TRDMT1: variants seen among roughly 807,000 people sequenced by gnomAD.
The protein encoded by TRDMT1 is tRNA (cytosine(38)-C(5))-methyltransferase.
Under a neutral mutation model 51.2 loss-of-function variants are expected in TRDMT1, and 49 were observed. The ratio of observed to expected loss-of-function variants is 0.96; its 90% CI spans 0.76 to 1.21. The LOEUF (loss-of-function observed/expected upper bound fraction) is 1.21, where lower values mean the gene tolerates loss of function less well. TRDMT1 is among the 50% of genes most tolerant of loss of function. The pLI is 0.00. For synonymous variants in TRDMT1, 187 were observed against 164.6 expected, an observed-to-expected ratio of 1.14 and a Z score of -1.04; for missense variants, 534 against 462.3, an observed-to-expected ratio of 1.16 and a Z score of -1.42.
At chr10:17,165,586 T>G (rs1359312746) in intron 3 of TRDMT1, among the ~76,000 whole-genome samples, 3 of 152,110 alleles carry the variant, frequency 2.0e-5, no homozygotes, top group Non-Finnish European at 4.4e-5. Flanking sequence ...ACAGGCAACC[T>G]ACAGAATGGG....
intron 8 of TRDMT1, among the ~76,000 whole-genome samples, chr10:17,156,411 T>C (rs1839518889): frequency 1.3e-5 from 2 of 152,018 alleles, no homozygotes. Flanking sequence ...ATTTTTGTAG[T>C]CTTCGTACAG....
intron 10 of TRDMT1, among the ~76,000 whole-genome samples, chr10:17,149,543 G>A (rs1389668928): frequency 6.6e-6 from 1 of 152,030 alleles, no homozygotes; most frequent in Non-Finnish European, 1.5e-5. Context: ...CAATTAAGAG[G>A]TTGTTAGTAT....
At position 17,143,164 on chromosome 10, in the gene TRDMT1, T is replaced by C. The variant is rs1047866410; in HGVS notation, c.*5876A>G. 4 of 985,434 alleles carry C rather than the reference T, an allele frequency of 4.1e-6. No homozygotes were observed. Among genetic ancestry groups the C allele is most frequent in the Non-Finnish European group, 4.8e-6 (4 of 829,938 alleles). 61.0% of individuals were successfully genotyped at this position (985,434 alleles called of 1,614,324 possible). A position where few individuals can be genotyped will look rare whatever the true frequency, so the allele number is the denominator to read the frequency against. On this transcript the variant is annotated 3_prime_UTR_variant, in exon 11 of 11. Coordinates refer to ENST00000377799, the MANE Select transcript of TRDMT1 (RefSeq NM_004412.7). ...AAGAGAACAACTTAAAGACATTGTT[T>C]GAACTCCACAGTGTGGTGCTTTCTA...
intron 6 of TRDMT1, among the ~76,000 whole-genome samples, chr10:17,159,762 T>C (rs554532476): frequency 1.2e-3 from 188 of 152,260 alleles, no homozygotes; most frequent in South Asian, 4.1e-3. Flanking sequence ...TGGCTAAAGA[T>C]GACAAGAAAC....
chr10:17,159,223 T>C lies in TRDMT1; in HGVS notation c.466A>G (p.Ile156Val). 1 of 1,600,894 alleles carries C rather than the reference T, an allele frequency of 6.2e-7. No individual in the cohort carries two copies. The highest frequency in any genetic ancestry group is 8.5e-7 in the Non-Finnish European group (1 of 1,173,368). The part of the protein sequence containing the change: ...EFLLSPTSLG[I>V]PNSRLRYFLI... ...AAATATCGTAGCCTTGAATTTGGAA[T>C]GCCAAGCTGTAAGCAAAGCAAAGCA... Residue 156 changes from isoleucine to valine, a missense_variant, in exon 7 of 11, where the codon ATT becomes GTT. Transcript: ENST00000377799.
intron 1 of TRDMT1, among the ~76,000 whole-genome samples, chr10:17,199,179 G>A (rs1845831708): frequency 6.6e-6 from 1 of 152,168 alleles, no homozygotes; most frequent in African/African-American, 2.4e-5. Context: ...CATCAAATAA[G>A]TGAACATGGG....
intron 2 of TRDMT1, chr10:17,171,840 T>C (rs1010274908): frequency 6.5e-6 from 1 of 154,010 alleles, no homozygotes; most frequent in African/African-American, 2.4e-5. Flanking sequence ...GATTAAGTGA[T>C]GCAGTCATCT....
chr10:17,177,840 A>C (rs1467777959), intron 1 of TRDMT1, among the ~76,000 whole-genome samples: 3 of 152,038 alleles, frequency 2.0e-5, no homozygotes, highest in Non-Finnish European at 4.4e-5. Flanking sequence ...AGTAGTGAAA[A>C]GCTTTACAAG....
At position 17,141,633 on chromosome 10, in the gene TRDMT1, A is replaced by T. The variant is rs986155576; in HGVS notation, c.*7407T>A. Among the ~76,000 whole-genome samples, 1 of 152,064 alleles carries T rather than the reference A, an allele frequency of 6.6e-6. No homozygotes were observed. The highest frequency in any genetic ancestry group is 2.4e-5 in the African/African-American group (1 of 41,398). On this transcript the variant is annotated 3_prime_UTR_variant, in exon 11 of 11. Coordinates refer to ENST00000377799, the MANE Select transcript of TRDMT1 (RefSeq NM_004412.7). ...CTCTGTTAATTTTTTTTGTCAGCCT[A>T]TCTTTGCCCTATCATTTAGATCAGG...
chr10:17,197,346 T>C (rs1167401099), intron 1 of TRDMT1, among the ~76,000 whole-genome samples: 1 of 152,158 alleles, frequency 6.6e-6, no homozygotes, highest in Non-Finnish European at 1.5e-5. Flanking sequence ...GAATGTTACA[T>C]TTAAGCCATG....
chr10:17,138,939 T>C lies in TRDMT1; in HGVS notation c.*10101A>G, dbSNP rs1375213792. On this transcript the variant is annotated 3_prime_UTR_variant, in exon 11 of 11. Coordinates refer to ENST00000377799, the MANE Select transcript of TRDMT1 (RefSeq NM_004412.7). Reference sequence around the variant, plus strand: ...GCTTCCTAATTGTAACTCAAGCAAATGTTACAGAAAACATAAAATATGCAC... The same window carrying C: ...GCTTCCTAATTGTAACTCAAGCAAACGTTACAGAAAACATAAAATATGCAC... 6.6e-6 allele frequency among the ~76,000 whole-genome samples: 1 copy of C among 152,064 alleles called. No individual in the cohort carries two copies. The highest frequency in any genetic ancestry group is 2.4e-5 in the African/African-American group (1 of 41,416).
rs892234642 is a variant in TRDMT1 at position 17,139,045 on chromosome 10, TA to T, written c.*9994del. Among the ~76,000 whole-genome samples the T allele has an allele frequency of 3.9e-5, 6 of 152,220 alleles. No homozygotes were observed. In the East Asian group the frequency reaches 1.2e-3, roughly 29 times the overall value. ...TAGGATTAAAGGCTCCAAAAGCTAGTAAAAAAATCAACAGAGCTTTCTCTAC... is the reference window on the plus strand; with the variant it reads ...TAGGATTAAAGGCTCCAAAAGCTAGTAAAAAATCAACAGAGCTTTCTCTAC... On this transcript the variant is annotated 3_prime_UTR_variant, in exon 11 of 11. Coordinates refer to ENST00000377799, the MANE Select transcript of TRDMT1 (RefSeq NM_004412.7).
At chr10:17,149,174 T>C (rs751784870) in intron 10 of TRDMT1, 34 bp from the exon 11 acceptor site, 1 of 1,528,856 alleles carries the variant, frequency 6.5e-7, no homozygotes, top group African/African-American at 1.4e-5. Context: ...AAGAAATCAT[T>C]TGTAATCACA....
chr10:17,189,750 T>C (rs1038265376), intron 1 of TRDMT1, among the ~76,000 whole-genome samples: 20 of 152,138 alleles, frequency 1.3e-4, no homozygotes, highest in African/African-American at 4.6e-4. Context: ...GATTTCAATT[T>C]AACTAGAATT....
In TRDMT1 at chr10:17,145,567, T is replaced by G; in HGVS notation, c.*3473A>C. On this transcript the variant is annotated 3_prime_UTR_variant, in exon 11 of 11. Transcript: ENST00000377799. ...ATTAGTAAGTCAGTGTCATAACTGG[T>G]GGCCTAAAACAGTTAGAATCCCAAG... 1.0e-6 allele frequency: 1 copy of G among 985,442 alleles called. No homozygotes were observed. Among genetic ancestry groups the G allele is most frequent in the Non-Finnish European group, 1.2e-6 (1 of 829,928 alleles). The allele number at this position is 985,442 out of a possible 1,614,324, so 61.0% of individuals were successfully genotyped here. A position where few individuals can be genotyped will look rare whatever the true frequency, so the allele number is the denominator to read the frequency against.
chr10:17,140,034 G>T lies in TRDMT1; in HGVS notation c.*9006C>A, dbSNP rs1837548014. On this transcript the variant is annotated 3_prime_UTR_variant, in exon 11 of 11. Coordinates refer to ENST00000377799, the MANE Select transcript of TRDMT1 (RefSeq NM_004412.7). ...AAATATTCTTCCAGTAACATCTAGT[G>T]TGCTTTTTTTTTTTTTTTTTTTTTT... Among the ~76,000 whole-genome samples the T allele has an allele frequency of 1.2e-4, 8 of 66,514 alleles. No individual in the cohort carries two copies. The highest frequency in any genetic ancestry group is 5.4e-4 in the South Asian group (1 of 1,860). The allele number at this position is 66,514 out of a possible 152,430, so 43.6% of individuals were successfully genotyped here.
chr10:17,187,690 C>A (rs1463013991), intron 1 of TRDMT1, among the ~76,000 whole-genome samples: 1 of 152,068 alleles, frequency 6.6e-6, no homozygotes, highest in Admixed American at 6.6e-5. Flanking sequence ...AAGTGAAAAA[C>A]AAAACAGGCC....
intron 1 of TRDMT1, among the ~76,000 whole-genome samples, chr10:17,181,250 A>C (rs935292283): frequency 1.3e-5 from 2 of 152,084 alleles, no homozygotes; most frequent in Non-Finnish European, 2.9e-5. Flanking sequence ...TTTCCACTGG[A>C]GGTTTGGAAA....
rs1476237963 is a variant in TRDMT1, at chr10:17,137,524, G to C, written c.*11516C>G. 6.6e-6 allele frequency: 1 copy of C among 152,132 alleles called. No homozygotes were observed. The highest frequency in any genetic ancestry group is 1.5e-5 in the Non-Finnish European group (1 of 68,072). 9.4% of individuals were successfully genotyped at this position (152,132 alleles called of 1,614,324 possible). On this transcript the variant is annotated 3_prime_UTR_variant, in exon 11 of 11. Transcript: ENST00000377799. ...GGAAAGATGTCCAAGGCCCAGTATG[G>C]GCACACTATAGAAAGTGGTTCCACT...
Sources: allele counts gnomAD v4.1 joint callset (sites outside exome capture counted in the v4.1 genomes callset), GRCh38; gene constraint gnomAD v4.1.1; transcripts MANE v1.5; gene names NCBI Gene and HGNC (gene_info 2026-07-23, HGNC 2026-07-21).